The following ARHGAP28 variants were observed in gnomAD, a reference collection of about 807,000 sequenced individuals.
ARHGAP28 encodes the protein rho GTPase-activating protein 28.
Under a neutral mutation model 90.7 loss-of-function variants are expected in ARHGAP28, and 56 were observed. The ratio of observed to expected loss-of-function variants is 0.62; its 90% CI spans 0.50 to 0.77. ARHGAP28 has a LOEUF of 0.77. Among genes scored for constraint, ARHGAP28 ranks in the 30% least tolerant of loss-of-function variants. ARHGAP28 has a pLI of 0.00. For synonymous variants in ARHGAP28, 308 were observed against 323.3 expected (o/e 0.95, Z 0.51); for missense variants, 869 against 900.9 (o/e 0.96, Z 0.45).
intron 17 of ARHGAP28, among the ~76,000 whole-genome samples, 173 bp from the exon 18 acceptor site, chr18:6,911,887 G>A (rs1054310552): frequency 6.6e-6 from 1 of 151,992 alleles, no homozygotes; most frequent in Admixed American, 6.6e-5. Context: ...AAGGAGAGAG[G>A]GAGAAGAGGG....
intron 4 of ARHGAP28, among the ~76,000 whole-genome samples, chr18:6,853,727 G>A (rs772176736): frequency 2.2e-4 from 33 of 151,948 alleles, no homozygotes; most frequent in Non-Finnish European, 2.8e-4. Flanking sequence ...CACCCTCCTC[G>A]GCCTCCCAAA....
intron 16 of ARHGAP28, 67 bp downstream of exon 16, chr18:6,896,693 A>C: frequency 3.2e-6 from 5 of 1,572,842 alleles, no homozygotes; most frequent in Non-Finnish European, 4.3e-6. Context: ...ATAACTTTCT[A>C]GGCATTTACA....
chr18:6,857,820 T>C (rs1314105048), intron 4 of ARHGAP28, among the ~76,000 whole-genome samples: 1 of 152,238 alleles, frequency 6.6e-6, no homozygotes, highest in Admixed American at 6.5e-5. Flanking sequence ...AGAGCTGGAC[T>C]TTATTGATTT....
At chr18:6,810,620 G>A (rs2056549523) in intron 1 of ARHGAP28, among the ~76,000 whole-genome samples, 1 of 152,124 alleles carries the variant, frequency 6.6e-6, no homozygotes, top group Non-Finnish European at 1.5e-5. Context: ...TTAGATGTGA[G>A]TCTGAGGGAG....
intron 16 of ARHGAP28, among the ~76,000 whole-genome samples, chr18:6,899,337 G>A (rs75875542): frequency 1.2e-4 from 18 of 152,162 alleles, no homozygotes; most frequent in African/African-American, 4.3e-4. Flanking sequence ...AAATGACACG[G>A]TGGTGAGTTC....
chr18:6,827,950 G>A (rs1489816459), intron 2 of ARHGAP28, among the ~76,000 whole-genome samples: 2 of 152,040 alleles, frequency 1.3e-5, no homozygotes, highest in Non-Finnish European at 1.5e-5. Flanking sequence ...AGACGGGGTG[G>A]CGGCCGGGCA....
intron 17 of ARHGAP28, among the ~76,000 whole-genome samples, chr18:6,910,829 TTTTG>T (rs1359834475): frequency 7.2e-4 from 6 of 8,372 alleles, no homozygotes; most frequent in Middle Eastern, 0.067. Context: ...AGTTTTGTTT[TTTTG>T]TTTTGTTTTG....
chr18:6,748,917 G>A (rs964351850), intron 1 of ARHGAP28, among the ~76,000 whole-genome samples: 2 of 152,156 alleles, frequency 1.3e-5, no homozygotes, highest in Non-Finnish European at 2.9e-5. Flanking sequence ...GATCTGCACA[G>A]GAGACCGTCA....
intron 12 of ARHGAP28, among the ~76,000 whole-genome samples, chr18:6,888,719 A>G (rs974695875): frequency 3.3e-5 from 5 of 152,216 alleles, no homozygotes; most frequent in African/African-American, 1.2e-4. Context: ...GGATGCAGCA[A>G]TTATCAAATA....
intron 1 of ARHGAP28, among the ~76,000 whole-genome samples, chr18:6,797,797 G>A (rs2056452316): frequency 6.6e-6 from 1 of 151,976 alleles, no homozygotes; most frequent in Admixed American, 6.6e-5. Context: ...GAATAGCTGT[G>A]GTTACAGTCA....
At chr18:6,859,188 A>G (rs2056978052) in intron 4 of ARHGAP28, among the ~76,000 whole-genome samples, 1 of 152,206 alleles carries the variant, frequency 6.6e-6, no homozygotes, top group Non-Finnish European at 1.5e-5. Flanking sequence ...ACATTAGTCC[A>G]GTTAAGTTTG....
intron 1 of ARHGAP28, among the ~76,000 whole-genome samples, chr18:6,801,081 A>C (rs2056478382): frequency 6.6e-6 from 1 of 152,154 alleles, no homozygotes; most frequent in Non-Finnish European, 1.5e-5. Flanking sequence ...AAGGTCACAA[A>C]GATTTTTATT....
chr18:6,860,539 G>A (rs1301622603), intron 5 of ARHGAP28, among the ~76,000 whole-genome samples: 1 of 152,186 alleles, frequency 6.6e-6, no homozygotes, highest in Non-Finnish European at 1.5e-5. Flanking sequence ...ATCAGATGAG[G>A]CAATTGTTTT....
At chr18:6,847,151 G>A (rs1193306685) in intron 3 of ARHGAP28, among the ~76,000 whole-genome samples, 1 of 152,094 alleles carries the variant, frequency 6.6e-6, no homozygotes, top group Admixed American at 6.6e-5. Context: ...GGGTTGTTTG[G>A]CTGGGGGACC....
At chr18:6,846,890 G>A (rs1600242062) in intron 3 of ARHGAP28, among the ~76,000 whole-genome samples, 1 of 152,164 alleles carries the variant, frequency 6.6e-6, no homozygotes, top group Non-Finnish European at 1.5e-5. Flanking sequence ...ACATGAAATC[G>A]ACAGCAGTTT....
intron 4 of ARHGAP28, among the ~76,000 whole-genome samples, chr18:6,857,554 G>T (rs2056963419): frequency 6.6e-6 from 1 of 152,210 alleles, no homozygotes; most frequent in Admixed American, 6.5e-5. Flanking sequence ...TCAGGTTTTA[G>T]GTTGTGCCTC....
At chr18:6,891,682 G>T (rs527622024) in intron 14 of ARHGAP28, among the ~76,000 whole-genome samples, 1 of 151,566 alleles carries the variant, frequency 6.6e-6, no homozygotes, top group South Asian at 2.1e-4. Flanking sequence ...CGAACTCCTG[G>T]GCTCAAGTGA....
chr18:6,849,952 T>G (rs1241467235), intron 3 of ARHGAP28, among the ~76,000 whole-genome samples: 1 of 152,186 alleles, frequency 6.6e-6, no homozygotes, highest in Non-Finnish European at 1.5e-5. Flanking sequence ...CTATTCTTCC[T>G]TTCACTGCTT....
chr18:6,749,273 T>G (rs1600149047), intron 1 of ARHGAP28, among the ~76,000 whole-genome samples: 1 of 152,322 alleles, frequency 6.6e-6, no homozygotes, highest in East Asian at 1.9e-4. Context: ...TAGCATATCT[T>G]ATAGGAAAGT....
Sources: allele counts gnomAD v4.1 joint callset (sites outside exome capture counted in the v4.1 genomes callset), GRCh38; gene constraint gnomAD v4.1.1; transcripts MANE v1.5; gene names NCBI Gene and HGNC (gene_info 2026-07-23, HGNC 2026-07-21).